The following HDAC9 variants were observed in gnomAD, a reference collection of about 807,000 sequenced individuals.
HDAC9 encodes the protein MEF-2 interacting transcription repressor (MITR) protein.
Under a neutral mutation model 139.4 loss-of-function variants are expected in HDAC9, and 41 were observed. The observed-to-expected ratio is 0.29, with a 90% CI of 0.23 to 0.38. HDAC9 has a LOEUF of 0.38. Among genes scored for constraint, HDAC9 ranks in the 10% least tolerant of loss-of-function variants. HDAC9 has a pLI of 1.00. For missense variants in HDAC9, 1,147 were observed against 1,297.0 expected (o/e 0.88, Z 1.78); for synonymous variants, 517 against 476.2 (o/e 1.09, Z -1.12).
chr7:18,552,286 C>T (rs555034482), intron 2 of HDAC9, among the ~76,000 whole-genome samples: 38 of 152,102 alleles, frequency 2.5e-4, no homozygotes, highest in African/African-American at 6.7e-4. Context: ...TTCAGGTTTT[C>T]CTTTTTTTTG....
intron 25 of HDAC9, among the ~76,000 whole-genome samples, chr7:18,990,933 C>A (rs78689418): frequency 1.3e-5 from 2 of 152,226 alleles, no homozygotes; most frequent in African/African-American, 4.8e-5. Flanking sequence ...CACTGACCTG[C>A]GCCCACTGTC....
At chr7:18,376,249 A>G (rs1379060465) in intron 1 of HDAC9, among the ~76,000 whole-genome samples, 1 of 152,242 alleles carries the variant, frequency 6.6e-6, no homozygotes, top group Non-Finnish European at 1.5e-5. Flanking sequence ...CTCAATTAAA[A>G]AAATTATCAA....
intron 13 of HDAC9, among the ~76,000 whole-genome samples, chr7:18,728,792 G>T (rs1665259262): frequency 6.6e-6 from 1 of 152,094 alleles, no homozygotes; most frequent in Non-Finnish European, 1.5e-5. Flanking sequence ...ATTATCTTTA[G>T]TTTAAAAATT....
chr7:18,989,460 G>A (rs1403810250), intron 25 of HDAC9, among the ~76,000 whole-genome samples: 4 of 151,350 alleles, frequency 2.6e-5, no homozygotes, highest in Non-Finnish European at 5.9e-5. Flanking sequence ...AGGGTAACCC[G>A]ACCTTTCTCT....
chr7:18,614,516 A>G (rs941949164), intron 6 of HDAC9, among the ~76,000 whole-genome samples: 6 of 151,858 alleles, frequency 4.0e-5, no homozygotes, highest in Admixed American at 3.9e-4. Flanking sequence ...TTTTTCTTCC[A>G]TAATGCCTAG....
intron 17 of HDAC9, among the ~76,000 whole-genome samples, chr7:18,822,928 G>A (rs1795098557): frequency 6.6e-6 from 1 of 152,048 alleles, no homozygotes; most frequent in Non-Finnish European, 1.5e-5. Flanking sequence ...TTTGTATTTT[G>A]TTATTTTTGT....
intron 25 of HDAC9, among the ~76,000 whole-genome samples, chr7:18,977,917 CAG>C (rs1466791702): frequency 1.7e-4 from 18 of 105,026 alleles, no homozygotes; most frequent in African/African-American, 5.1e-4. Context: ...GACAGACAGA[CAG>C]ACACACACAC....
chr7:18,792,336 A>G (rs1380688744), intron 16 of HDAC9, among the ~76,000 whole-genome samples: 1 of 147,890 alleles, frequency 6.8e-6, no homozygotes, highest in Non-Finnish European at 1.5e-5. Flanking sequence ...AAGTCTTGCT[A>G]TTTACAGTCA....
At chr7:18,923,203 T>C (rs1234244990) in intron 22 of HDAC9, among the ~76,000 whole-genome samples, 1 of 152,064 alleles carries the variant, frequency 6.6e-6, no homozygotes, top group Non-Finnish European at 1.5e-5. Context: ...TTTTATCTTA[T>C]ACATCTATCC....
chr7:18,600,086 T>C (rs1278193715), intron 6 of HDAC9, among the ~76,000 whole-genome samples: 2 of 152,170 alleles, frequency 1.3e-5, no homozygotes, highest in Admixed American at 6.5e-5. Flanking sequence ...TCATATGTCA[T>C]TTGCTATCTC....
At chr7:18,356,038 T>C (rs1243815559) in intron 1 of HDAC9, among the ~76,000 whole-genome samples, 4 of 152,132 alleles carry the variant, frequency 2.6e-5, no homozygotes, top group African/African-American at 9.7e-5. Context: ...AATCATTGAA[T>C]TGTACCCTTT....
chr7:18,440,030 A>G (rs1275155922), intron 1 of HDAC9, among the ~76,000 whole-genome samples: 1 of 152,150 alleles, frequency 6.6e-6, no homozygotes, highest in East Asian at 1.9e-4. Context: ...CCCACTCTTA[A>G]TACATTATCA....
chr7:18,800,979 C>T (rs1793239837), intron 17 of HDAC9, among the ~76,000 whole-genome samples: 1 of 151,998 alleles, frequency 6.6e-6, no homozygotes, highest in Non-Finnish European at 1.5e-5. Context: ...TTATTTTTTG[C>T]TAATTGTACA....
chr7:18,767,209 T>C (rs1789905826), intron 16 of HDAC9, 54 bp downstream of exon 16: 1 of 1,034,168 alleles, frequency 9.7e-7, no homozygotes, highest in Non-Finnish European at 1.4e-6. Context: ...CAAAAAAAAA[T>C]CTTTTTTGAT....
chr7:18,509,967 A>T (rs1462271423), intron 2 of HDAC9, among the ~76,000 whole-genome samples: 4 of 152,192 alleles, frequency 2.6e-5, no homozygotes, highest in Non-Finnish European at 5.9e-5. Flanking sequence ...CTATTTTTAG[A>T]TAAATGAATG....
intron 13 of HDAC9, among the ~76,000 whole-genome samples, chr7:18,746,585 C>T (rs1787995844): frequency 6.6e-6 from 1 of 152,142 alleles, no homozygotes; most frequent in Non-Finnish European, 1.5e-5. Context: ...GAAGATTAAA[C>T]AAGTAAGACT....
At chr7:18,151,801 G>T (rs1786801764) in intron 1 of HDAC9, 1 of 152,162 alleles carries the variant, frequency 6.6e-6, no homozygotes, top group Non-Finnish European at 1.5e-5. Flanking sequence ...GGATAATTTT[G>T]ACAGTGGAAA....
At chr7:18,623,380 A>G (rs1406379138) in intron 6 of HDAC9, among the ~76,000 whole-genome samples, 3 of 152,194 alleles carry the variant, frequency 2.0e-5, no homozygotes, top group Admixed American at 6.5e-5. Flanking sequence ...CAAACATTAC[A>G]CTAGGCAAAG....
intron 21 of HDAC9, among the ~76,000 whole-genome samples, chr7:18,851,800 A>G (rs1269651112): frequency 1.3e-5 from 2 of 152,212 alleles, no homozygotes; most frequent in Non-Finnish European, 2.9e-5. Context: ...TGTAAACTGC[A>G]TTTATGAAAG....
Sources: allele counts gnomAD v4.1 joint callset (sites outside exome capture counted in the v4.1 genomes callset), GRCh38; gene constraint gnomAD v4.1.1; transcripts MANE v1.5; gene names NCBI Gene and HGNC (gene_info 2026-07-23, HGNC 2026-07-21).